The following BRINP3 variants were observed in gnomAD, a reference collection of about 807,000 sequenced individuals.
BRINP3 encodes BMP/retinoic acid-inducible neural-specific protein 3.
A neutral mutation model predicts 71.0 loss-of-function variants in BRINP3; 19 were observed. That is an observed-to-expected ratio of 0.27 (90% CI 0.19 to 0.39). The LOEUF (loss-of-function observed/expected upper bound fraction) is 0.39, where lower values mean the gene tolerates loss of function less well. BRINP3 is among the 10% of genes least tolerant of loss of function. The pLI is 1.00. For missense variants in BRINP3, 959 were observed against 940.8 expected, an observed-to-expected ratio of 1.02 and a Z score of -0.25; for synonymous variants, 380 against 337.7, an observed-to-expected ratio of 1.13 and a Z score of -1.37.
chr1:190,145,698 A>G (rs535467666), intron 7 of BRINP3, among the ~76,000 whole-genome samples: 169 of 152,328 alleles, frequency 1.1e-3, no homozygotes, highest in Middle Eastern at 3.4e-3. Context: ...AAAAGAAGTC[A>G]TCATATGAAA....
At chr1:190,255,674 C>T (rs1466615338) in intron 4 of BRINP3, among the ~76,000 whole-genome samples, 1 of 151,552 alleles carries the variant, frequency 6.6e-6, no homozygotes, top group Non-Finnish European at 1.5e-5. Flanking sequence ...CTTCTCTTTT[C>T]TTCTTTATTA....
At chr1:190,209,385 C>A (rs1655790600) in intron 6 of BRINP3, among the ~76,000 whole-genome samples, 2 of 152,126 alleles carry the variant, frequency 1.3e-5, no homozygotes, top group Admixed American at 1.3e-4. Flanking sequence ...TCATCAGTTG[C>A]TTTGGCTGAG....
At chr1:190,396,062 AG>A (rs1671546916) in intron 2 of BRINP3, among the ~76,000 whole-genome samples, 1 of 151,936 alleles carries the variant, frequency 6.6e-6, no homozygotes, top group African/African-American at 2.4e-5. Flanking sequence ...GGTGTGACAC[AG>A]GGTTCTGAAT....
chr1:190,161,080 CTT>C (rs1657318693), intron 6 of BRINP3, among the ~76,000 whole-genome samples, 190 bp from the exon 7 acceptor site: 1 of 152,026 alleles, frequency 6.6e-6, no homozygotes, highest in Non-Finnish European at 1.5e-5. Flanking sequence ...TTAGAATTAT[CTT>C]CTTTGCTGTT....
chr1:190,402,876 G>A (rs1672022562), intron 2 of BRINP3, among the ~76,000 whole-genome samples: 1 of 152,046 alleles, frequency 6.6e-6, no homozygotes, highest in South Asian at 2.1e-4. Context: ...GGAGGCACAA[G>A]CCAGCATGCC....
At chr1:190,285,548 G>C (rs867225019) in intron 2 of BRINP3, among the ~76,000 whole-genome samples, 3 of 152,004 alleles carry the variant, frequency 2.0e-5, no homozygotes, top group Admixed American at 1.3e-4. Flanking sequence ...GCAGTGAACC[G>C]AGATCATGCC....
At chr1:190,382,861 C>A (rs1222425358) in intron 2 of BRINP3, among the ~76,000 whole-genome samples, 2 of 152,134 alleles carry the variant, frequency 1.3e-5, no homozygotes, top group Non-Finnish European at 2.9e-5. Flanking sequence ...TGTAAATGAA[C>A]CACACCAAAC....
intron 2 of BRINP3, among the ~76,000 whole-genome samples, chr1:190,348,841 C>T (rs997238510): frequency 6.6e-6 from 1 of 152,108 alleles, no homozygotes; most frequent in African/African-American, 2.4e-5. Context: ...TTAGGATCAA[C>T]CTTGATTTAA....
chr1:190,472,273 A>G (rs1677186341), intron 1 of BRINP3, among the ~76,000 whole-genome samples: 1 of 151,650 alleles, frequency 6.6e-6, no homozygotes, highest in African/African-American at 2.4e-5. Context: ...AATGCCAGGT[A>G]GAACTAGAAC....
chr1:190,344,303 A>G (rs1571809294), intron 2 of BRINP3, among the ~76,000 whole-genome samples: 1 of 151,830 alleles, frequency 6.6e-6, no homozygotes, highest in South Asian at 2.1e-4. Context: ...TTTCGAGCTC[A>G]GTAAAGTGAT....
At chr1:190,336,462 A>G (rs1667290451) in intron 2 of BRINP3, among the ~76,000 whole-genome samples, 1 of 152,034 alleles carries the variant, frequency 6.6e-6, no homozygotes, top group Non-Finnish European at 1.5e-5. Context: ...AAATATCACA[A>G]TGAAAAAATC....
chr1:190,441,956 G>T (rs1272315696), intron 2 of BRINP3, among the ~76,000 whole-genome samples: 1 of 152,010 alleles, frequency 6.6e-6, no homozygotes, highest in Non-Finnish European at 1.5e-5. Context: ...TGCTATAAAT[G>T]GGAATTAGAA....
intron 4 of BRINP3, among the ~76,000 whole-genome samples, chr1:190,234,859 T>A (rs1241480564): frequency 6.6e-6 from 1 of 152,180 alleles, no homozygotes; most frequent in Non-Finnish European, 1.5e-5. Flanking sequence ...ATCAGAGCCA[T>A]CTGCCAGGCT....
chr1:190,292,685 A>T (rs888730824), intron 2 of BRINP3, among the ~76,000 whole-genome samples: 1 of 152,050 alleles, frequency 6.6e-6, no homozygotes, highest in Admixed American at 6.6e-5. Context: ...AGTAAAGTCT[A>T]TTTTTGATGG....
At chr1:190,404,414 T>C (rs1315610824) in intron 2 of BRINP3, among the ~76,000 whole-genome samples, 2 of 152,182 alleles carry the variant, frequency 1.3e-5, no homozygotes, top group Non-Finnish European at 1.5e-5. Flanking sequence ...GTAATTATTG[T>C]TTCTTAATAA....
chr1:190,391,118 C>T (rs1034646987), intron 2 of BRINP3, among the ~76,000 whole-genome samples: 1 of 151,630 alleles, frequency 6.6e-6, no homozygotes, highest in Admixed American at 6.6e-5. Flanking sequence ...GTTTCCTGAT[C>T]CCTCCTTATT....
intron 2 of BRINP3, among the ~76,000 whole-genome samples, chr1:190,428,403 T>C (rs112787295): frequency 8.5e-4 from 130 of 152,084 alleles, no homozygotes; most frequent in African/African-American, 3.0e-3. Flanking sequence ...TATCTCTTTT[T>C]CTTTATTATC....
chr1:190,131,890 T>C (rs139859479), intron 7 of BRINP3, among the ~76,000 whole-genome samples: 121 of 152,164 alleles, frequency 8.0e-4, no homozygotes, highest in African/African-American at 2.7e-3. Context: ...ATGGTGACTT[T>C]GGAAATATAT....
chr1:190,201,852 A>G (rs1260527038), intron 6 of BRINP3, among the ~76,000 whole-genome samples: 1 of 152,190 alleles, frequency 6.6e-6, no homozygotes, highest in Non-Finnish European at 1.5e-5. Flanking sequence ...CAGAATACAC[A>G]TGGAAATGCC....
Sources: allele counts gnomAD v4.1 joint callset (sites outside exome capture counted in the v4.1 genomes callset), GRCh38; gene constraint gnomAD v4.1.1; transcripts MANE v1.5; gene names NCBI Gene and HGNC (gene_info 2026-07-23, HGNC 2026-07-21).